Variants in RBFOX1 observed in about 807,000 individuals in gnomAD.
RBFOX1 encodes the protein RNA binding fox-1 homolog 1, also known as RNA binding protein fox-1 homolog 1.
In RBFOX1, 8 loss-of-function variants were observed where a neutral mutation model predicts 57.7. The ratio of observed to expected loss-of-function variants is 0.14; its 90% CI spans 0.08 to 0.25. RBFOX1 has a LOEUF of 0.25. RBFOX1 is among the 10% of genes least tolerant of loss of function. The probability of loss-of-function intolerance (pLI) is 1.00; values close to 1 mark genes in which losing one functional copy is unlikely to be tolerated. For synonymous variants in RBFOX1, 326 were observed against 222.4 expected (o/e 1.47, Z -4.15); for missense variants, 611 against 548.5 (o/e 1.11, Z -1.14).
intron 3 of RBFOX1, among the ~76,000 whole-genome samples, chr16:5,833,045 A>G (rs954397922): frequency 1.9e-4 from 29 of 152,146 alleles, no homozygotes; most frequent in African/African-American, 7.0e-4. Context: ...TTTTCCATTC[A>G]ATTTCAGGGT....
intron 1 of RBFOX1, among the ~76,000 whole-genome samples, chr16:5,347,966 C>G (rs1430279661): frequency 2.0e-5 from 3 of 147,144 alleles, no homozygotes; most frequent in Non-Finnish European, 3.0e-5. Flanking sequence ...CCATCCACTC[C>G]CCACCAACCC....
rs144151234 is a variant in RBFOX1, at chr16:7,071,150, C to T, written c.27+19052C>T. On this transcript the variant is annotated intron_variant, in intron 4 of 15. Transcript: ENST00000550418. Reference sequence around the variant, plus strand: ...ACAAGTGGAGCTTCTCGGCTGCTACCCTGAAGCTTCCGTTTTGACTAGTAT... The same window carrying T: ...ACAAGTGGAGCTTCTCGGCTGCTACTCTGAAGCTTCCGTTTTGACTAGTAT... Among the ~76,000 whole-genome samples, 35 of 152,202 alleles carry T rather than the reference C, an allele frequency of 2.3e-4. No homozygotes were observed. The East Asian group carries it at 6.0e-3, about 26-fold the overall frequency.
chr16:6,996,077 A>C (rs1178001783), intron 3 of RBFOX1, among the ~76,000 whole-genome samples: 3 of 152,232 alleles, frequency 2.0e-5, no homozygotes, highest in Non-Finnish European at 4.4e-5. Context: ...CTTGAAGACC[A>C]TCAGTGATCC....
At chr16:6,354,701 G>A (rs927631545) in intron 2 of RBFOX1, among the ~76,000 whole-genome samples, 8 of 152,112 alleles carry the variant, frequency 5.3e-5, no homozygotes, top group Non-Finnish European at 1.0e-4. Context: ...GGCCGTTCCT[G>A]TACCTGGAAC....
intron 4 of RBFOX1, among the ~76,000 whole-genome samples, chr16:7,468,486 C>G (rs374088216): frequency 7.2e-5 from 10 of 138,890 alleles, no homozygotes; most frequent in African/African-American, 2.1e-4. Context: ...CTGGTGACAA[C>G]TTGGAAATAA....
intron 2 of RBFOX1, among the ~76,000 whole-genome samples, chr16:6,412,151 A>G (rs1267876666): frequency 6.6e-6 from 1 of 150,990 alleles, no homozygotes; most frequent in Non-Finnish European, 1.5e-5. Context: ...AAAACAAAAA[A>G]ACAAAAAAAC....
intron 3 of RBFOX1, among the ~76,000 whole-genome samples, chr16:6,941,214 C>T (rs1270114509): frequency 6.7e-6 from 1 of 149,932 alleles, no homozygotes; most frequent in Non-Finnish European, 1.5e-5. Context: ...TCCCTTCCTT[C>T]CCTCCCATTA....
intron 3 of RBFOX1, among the ~76,000 whole-genome samples, chr16:7,050,429 C>A (rs982729093): frequency 1.3e-5 from 2 of 151,904 alleles, no homozygotes; most frequent in African/African-American, 4.8e-5. Context: ...CCATGCCCAG[C>A]TAATTTTTGT....
At chr16:7,657,440 G>C (rs533593707) in intron 12 of RBFOX1, among the ~76,000 whole-genome samples, 6 of 152,148 alleles carry the variant, frequency 3.9e-5, no homozygotes, top group Admixed American at 2.0e-4. Context: ...AAGTAGCTGG[G>C]ATTACAGGTG....
At chr16:5,509,461 A>G (rs755318829) in intron 2 of RBFOX1, among the ~76,000 whole-genome samples, 13 of 152,198 alleles carry the variant, frequency 8.5e-5, no homozygotes, top group East Asian at 3.8e-4. Flanking sequence ...TGTGTCTCCA[A>G]TGACAAGCAC....
At chr16:6,930,521 T>G (rs1282366926) in intron 3 of RBFOX1, among the ~76,000 whole-genome samples, 1 of 152,046 alleles carries the variant, frequency 6.6e-6, no homozygotes, top group Non-Finnish European at 1.5e-5. Flanking sequence ...GTGATTCTCC[T>G]GCCTCAGCCT....
intron 4 of RBFOX1, among the ~76,000 whole-genome samples, chr16:7,133,624 A>T (rs1374289985): frequency 6.6e-6 from 1 of 152,216 alleles, no homozygotes; most frequent in East Asian, 1.9e-4. Flanking sequence ...TATTGGTGGA[A>T]TGAAAGTAAC....
chr16:7,018,706 G>A (rs900222373), intron 3 of RBFOX1, among the ~76,000 whole-genome samples: 1 of 151,896 alleles, frequency 6.6e-6, no homozygotes, highest in Non-Finnish European at 1.5e-5. Flanking sequence ...ATGTTAATGG[G>A]TGCAGCACAC....
At chr16:6,638,639 T>C (rs1190801780) in intron 2 of RBFOX1, among the ~76,000 whole-genome samples, 1 of 152,204 alleles carries the variant, frequency 6.6e-6, no homozygotes, top group East Asian at 1.9e-4. Flanking sequence ...TTTACACTAA[T>C]TTATATAATG....
chr16:5,548,166 AAAAAAAAAAT>A (rs1199774575), intron 2 of RBFOX1, among the ~76,000 whole-genome samples: 126 of 33,728 alleles, frequency 3.7e-3, no homozygotes, highest in South Asian at 0.017. Flanking sequence ...GTTAAAAAAA[AAAAAAAAAAT>A]ATATATATAT....
intron 4 of RBFOX1, among the ~76,000 whole-genome samples, chr16:7,233,987 C>G (rs542236417): frequency 3.3e-5 from 5 of 152,238 alleles, no homozygotes; most frequent in South Asian, 4.1e-4. Flanking sequence ...GAGCTTAATT[C>G]TATTTTGATA....
chr16:6,340,280 A>G (rs995797681), intron 2 of RBFOX1, among the ~76,000 whole-genome samples: 2 of 152,122 alleles, frequency 1.3e-5, no homozygotes, highest in Non-Finnish European at 2.9e-5. Context: ...GGGGAGAGTT[A>G]GGCCTAGCTC....
intron 4 of RBFOX1, among the ~76,000 whole-genome samples, chr16:7,278,884 G>C (rs899721256): frequency 2.0e-5 from 3 of 152,248 alleles, no homozygotes; most frequent in Non-Finnish European, 4.4e-5. Flanking sequence ...CTTGTCGAAA[G>C]GGAATTATTC....
chr16:6,654,621 A>C lies in RBFOX1; in HGVS notation c.-45A>C. 2 of 1,512,520 alleles carry C rather than the reference A, an allele frequency of 1.3e-6. No individual in the cohort carries two copies. Among genetic ancestry groups the C allele is most frequent in the East Asian group, 2.5e-5 (1 of 39,656 alleles). The allele number at this position is 1,512,520 out of a possible 1,614,324, so 93.7% of individuals were successfully genotyped here. A position where few individuals can be genotyped will look rare whatever the true frequency, so the allele number is the denominator to read the frequency against. ...TTCTCAGGATATCAAAGCAGACTGC[A>C]ATACCTGCGTGGAAATAGAAGACAG... On this transcript the variant is annotated 5_prime_UTR_variant, in exon 3 of 16. Transcript: ENST00000550418.
Sources: gnomAD v4.1 joint callset for allele counts (sites outside exome capture counted in the v4.1 genomes callset) on GRCh38, gnomAD v4.1.1 for gene constraint, MANE v1.5 for transcripts, NCBI Gene and HGNC (gene_info 2026-07-23, HGNC 2026-07-21) for gene names.